The following FN1 variants were observed in gnomAD, a reference collection of about 807,000 sequenced individuals.
FN1 encodes the protein fibronectin 1.
In FN1, 106 loss-of-function variants were observed where a neutral mutation model predicts 297.3. That is an observed-to-expected ratio of 0.36 (90% CI 0.30 to 0.42). The LOEUF (loss-of-function observed/expected upper bound fraction) is 0.42, where lower values mean the gene tolerates loss of function less well. FN1 is among the 10% of genes least tolerant of loss of function. FN1 has a pLI of 1.00. For missense variants in FN1, 2,690 were observed against 3,124.9 expected, an observed-to-expected ratio of 0.86 and a Z score of 3.32; for synonymous variants, 1,149 against 1,152.6, an observed-to-expected ratio of 1.00 and a Z score of 0.06.
At chr2:215,418,914 C>T (rs2063805759) in intron 12 of FN1, among the ~76,000 whole-genome samples, 1 of 152,188 alleles carries the variant, frequency 6.6e-6, no homozygotes, top group African/African-American at 2.4e-5. Flanking sequence ...CCTTTACTCC[C>T]AGCATAACTC....
At position 215,391,809 on chromosome 2, in the gene FN1, G is replaced by A. The variant is rs1169279955; in HGVS notation, c.4075C>T (p.Pro1359Ser). Residue 1359 changes from proline (P) to serine (S), a missense_variant, in exon 26 of 46, where the codon CCT becomes TCT. Around this residue, in one of 3 missense-constraint regions of FN1, gnomAD observed 1,743 missense variants for 1,945.2 expected, o/e 0.90. Coordinates refer to ENST00000354785, the MANE Select transcript of FN1 (RefSeq NM_212482.4). ...GTGAATCGCAGGTCAGTGGGAGGAG[G>A]AACAGCTGGTTTCGAACAAGAAGGA... ...PTTLTQQTAV[P>S]PPTDLRFTNI... 1 of 1,614,040 alleles carries A rather than the reference G, an allele frequency of 6.2e-7. No individual in the cohort carries two copies. Among genetic ancestry groups the A allele is most frequent in the Non-Finnish European group, 8.5e-7 (1 of 1,179,952 alleles).
chr2:215,433,908 C>G (rs186009648), intron 2 of FN1, among the ~76,000 whole-genome samples: 3 of 152,300 alleles, frequency 2.0e-5, no homozygotes, highest in Admixed American at 6.5e-5. Context: ...TCGAGACCAC[C>G]CTGACCAATA....
In FN1 at chr2:215,433,363, T is replaced by G; in HGVS notation, c.376A>C (p.Ile126Leu). The change falls in exon 3 of 46, where the codon ATC becomes CTC. Residue 126 changes from isoleucine (I) to leucine (L), a missense_variant. Ile to Leu is a conservative substitution (Grantham distance 5). Around this residue, in one of 3 missense-constraint regions of FN1, gnomAD observed 876 missense variants for 1,058.1 expected, o/e 0.83. Transcript: ENST00000354785. ...CTTATTCTCCCTCGCCCAGCCCCGA[T>G]GCAGGTACAGTCCCAGATCATGGAG... ...KDSMIWDCTC[I>L]GAGRGRISCT... 1 of 1,614,218 alleles carries G rather than the reference T, an allele frequency of 6.2e-7. No individual in the cohort carries two copies. The highest frequency in any genetic ancestry group is 8.5e-7 in the Non-Finnish European group (1 of 1,180,008).
At chr2:215,390,945 A>T (rs932851003) in intron 26 of FN1, among the ~76,000 whole-genome samples, 1 of 152,240 alleles carries the variant, frequency 6.6e-6, no homozygotes, top group Non-Finnish European at 1.5e-5. Flanking sequence ...AATAAAAAGC[A>T]CTGTTTATGT....
chr2:215,400,776 G>C, intron 20 of FN1, among the ~76,000 whole-genome samples: 1 of 95,026 alleles, frequency 1.1e-5, no homozygotes, highest in South Asian at 3.7e-4. Flanking sequence ...AAAAAAAAAA[G>C]AAAGAAAATA....
intron 20 of FN1, among the ~76,000 whole-genome samples, chr2:215,403,304 T>G (rs1021305483): frequency 1.3e-5 from 2 of 152,212 alleles, no homozygotes; most frequent in African/African-American, 2.4e-5. Flanking sequence ...TGGAAGTAAG[T>G]TTTTCTTAAA....
chr2:215,435,428 C>T (rs556282484), intron 1 of FN1, among the ~76,000 whole-genome samples: 1 of 152,286 alleles, frequency 6.6e-6, no homozygotes, highest in Admixed American at 6.5e-5. Context: ...TATTAGAACA[C>T]GGGAAAGTCG....
intron 31 of FN1, 128 bp downstream of exon 31, chr2:215,383,200 G>A: frequency 1.1e-6 from 1 of 921,462 alleles, no homozygotes; most frequent in Admixed American, 1.8e-5. Flanking sequence ...TACAGACGGG[G>A]TTTCGCCATA....
chr2:215,388,081 A>G (rs943507178), intron 27 of FN1, 131 bp downstream of exon 27: 78 of 730,146 alleles, frequency 1.1e-4, no homozygotes, highest in South Asian at 1.0e-3. Context: ...ATAAAATCAT[A>G]CTGTGATGAC....
chr2:215,424,692 G>A (rs1274548227), intron 7 of FN1, among the ~76,000 whole-genome samples: 1 of 152,186 alleles, frequency 6.6e-6, no homozygotes, highest in Non-Finnish European at 1.5e-5. Flanking sequence ...TATTCTGGGG[G>A]AGAATTGTGT....
At chr2:215,383,635 G>T in intron 30 of FN1, 152 bp from the exon 31 acceptor site, 1 of 850,018 alleles carries the variant, frequency 1.2e-6, no homozygotes, top group Admixed American at 2.1e-5. Context: ...AGCTTTTAGA[G>T]GGATGGGGCA....
chr2:215,435,558 GCA>G (rs2067322592), intron 1 of FN1, 95 bp downstream of exon 1: 6 of 1,540,828 alleles, frequency 3.9e-6, no homozygotes, highest in African/African-American at 1.4e-5. Context: ...GCACACACTC[GCA>G]CACACGCGCG....
chr2:215,395,456 T>C (rs1195228866), intron 23 of FN1, among the ~76,000 whole-genome samples: 6 of 151,746 alleles, frequency 4.0e-5, no homozygotes, highest in Non-Finnish European at 7.4e-5. Flanking sequence ...CGAGAATCGC[T>C]TGAGCCCAGG....
intron 40 of FN1, among the ~76,000 whole-genome samples, chr2:215,370,809 A>T (rs762903722): frequency 3.3e-5 from 5 of 152,156 alleles, no homozygotes; most frequent in African/African-American, 1.2e-4. Context: ...GCTATATGGG[A>T]GACACGGTCA....
In FN1 at chr2:215,404,348, T is replaced by C. The variant is rs778958488; in HGVS notation, c.3253+41A>G. ...GTTTTAAAGCATGAAGAATAGAGAA[T>C]GTAAATATAGTTAAGAAAAGGCACT... On this transcript the variant is annotated intron_variant, in intron 20 of 45. Coordinates refer to ENST00000354785, the MANE Select transcript of FN1 (RefSeq NM_212482.4). 3.8e-6 allele frequency: 6 copies of C among 1,564,440 alleles called. No homozygotes were observed. In the East Asian group the frequency reaches 6.7e-5, roughly 17 times the overall value.
chr2:215,366,982 C>T (rs1277319665), intron 42 of FN1, among the ~76,000 whole-genome samples: 3 of 152,206 alleles, frequency 2.0e-5, no homozygotes, highest in Non-Finnish European at 4.4e-5. Context: ...GCTTTTACAA[C>T]TTCAGTCTGG....
At chr2:215,397,255 C>T in intron 22 of FN1, 32 bp from the exon 23 acceptor site, 2 of 1,492,712 alleles carry the variant, frequency 1.3e-6, no homozygotes, top group Non-Finnish European at 1.9e-6. Context: ...AAAGTCAAAG[C>T]TGACACAAAG....
intron 26 of FN1, among the ~76,000 whole-genome samples, chr2:215,389,638 A>T (rs1300973579): frequency 6.6e-6 from 1 of 152,020 alleles, no homozygotes. Flanking sequence ...AAATACAAAA[A>T]AATTAGCTGG....
chr2:215,432,284 T>C (rs934758972), intron 3 of FN1, among the ~76,000 whole-genome samples: 8 of 152,102 alleles, frequency 5.3e-5, no homozygotes, highest in Non-Finnish European at 1.2e-4. Flanking sequence ...TCTTCACTCA[T>C]ACACAGCAGG....
Sources: gnomAD v4.1 joint callset for allele counts (sites outside exome capture counted in the v4.1 genomes callset) on GRCh38, gnomAD v4.1.1 for gene constraint, gnomAD v4.1.1 regional missense constraint, MANE v1.5 for transcripts, NCBI Gene and HGNC (gene_info 2026-07-23, HGNC 2026-07-21) for gene names.